CNTFR: variants seen among roughly 807,000 people sequenced by gnomAD.
The protein encoded by CNTFR is ciliary neurotrophic factor receptor.
Under a neutral mutation model 40.4 loss-of-function variants are expected in CNTFR, and 12 were observed. That is an observed-to-expected ratio of 0.30 (90% CI 0.19 to 0.48). The LOEUF is 0.48. Ranked by LOEUF, CNTFR falls within the 20% of genes least tolerant of loss-of-function variation. The pLI is 0.99. For synonymous variants in CNTFR, 202 were observed against 209.6 expected, an observed-to-expected ratio of 0.96 and a Z score of 0.31; for missense variants, 414 against 506.8, an observed-to-expected ratio of 0.82 and a Z score of 1.76.
At chr9:34,559,437 C>G (rs1458836036) in intron 4 of CNTFR, among the ~76,000 whole-genome samples, 1 of 152,188 alleles carries the variant, frequency 6.6e-6, no homozygotes, top group East Asian at 1.9e-4. Flanking sequence ...TTCCCCAGGC[C>G]TGTCAGGGAA....
chr9:34,586,759 T>C (rs576391916), intron 1 of CNTFR, among the ~76,000 whole-genome samples: 3 of 152,302 alleles, frequency 2.0e-5, no homozygotes, highest in African/African-American at 7.2e-5. Flanking sequence ...GAAATCTGAC[T>C]GGGTTAGCCT....
At chr9:34,564,972 A>G (rs1826223323) in intron 3 of CNTFR, 140 bp from the exon 4 acceptor site, 1 of 691,038 alleles carries the variant, frequency 1.4e-6, no homozygotes, top group Non-Finnish European at 2.5e-6. Context: ...GTGTTTGGGG[A>G]GATGAAGAGT....
At chr9:34,562,001 T>C (rs1347733651) in intron 4 of CNTFR, among the ~76,000 whole-genome samples, 1 of 152,216 alleles carries the variant, frequency 6.6e-6, no homozygotes, top group Non-Finnish European at 1.5e-5. Flanking sequence ...GCTGTGGGCA[T>C]GTCCCGTGGG....
At chr9:34,572,235 A>G (rs1398234220) in intron 2 of CNTFR, among the ~76,000 whole-genome samples, 1 of 151,280 alleles carries the variant, frequency 6.6e-6, no homozygotes, top group Non-Finnish European at 1.5e-5. Flanking sequence ...CTTTCCTCAG[A>G]CTCCCAACTG....
At chr9:34,560,535 A>C (rs944558123) in intron 4 of CNTFR, among the ~76,000 whole-genome samples, 2 of 152,250 alleles carry the variant, frequency 1.3e-5, no homozygotes, top group African/African-American at 4.8e-5. Flanking sequence ...GAGGCAGTGC[A>C]TATGTGATGG....
intron 7 of CNTFR, among the ~76,000 whole-genome samples, chr9:34,555,346 T>C (rs1825792407): frequency 6.6e-6 from 1 of 152,028 alleles, no homozygotes; most frequent in Admixed American, 6.5e-5. Flanking sequence ...AGTTAGAGCC[T>C]GGTAGATGAG....
intron 3 of CNTFR, among the ~76,000 whole-genome samples, chr9:34,565,176 C>G (rs1826231072): frequency 6.6e-6 from 1 of 151,954 alleles, no homozygotes; most frequent in African/African-American, 2.4e-5. Flanking sequence ...CTCTCCAGTC[C>G]CTGGGTTTTT....
At chr9:34,590,164 GCGCACACA>G, upstream of CNTFR, 1 of 145,184 alleles carries the variant, frequency 6.9e-6, no homozygotes, top group Non-Finnish European at 1.5e-5. Context: ...AAACGCGCGC[GCGCACACA>G]CACACACACA....
chr9:34,563,411 C>G (rs1313487474), intron 4 of CNTFR, among the ~76,000 whole-genome samples: 1 of 152,262 alleles, frequency 6.6e-6, no homozygotes, highest in Non-Finnish European at 1.5e-5. Context: ...GGCAGGGCAA[C>G]TCAGGTGCAC....
intron 7 of CNTFR, among the ~76,000 whole-genome samples, chr9:34,555,128 T>G (rs1357715289): frequency 6.6e-6 from 1 of 152,242 alleles, no homozygotes; most frequent in African/African-American, 2.4e-5. Context: ...GGCTGCTGCC[T>G]GTAGCTCGTT....
chr9:34,552,897 G>C lies in CNTFR; in HGVS notation c.769-43C>G. 1 of 1,591,170 alleles carries C rather than the reference G, an allele frequency of 6.3e-7. No homozygotes were observed. Among genetic ancestry groups the C allele is most frequent in the Non-Finnish European group, 8.5e-7 (1 of 1,173,564 alleles). ...GGTGGGGGTAAGGACACACCTGGGG[G>C]CCAGGAGGGTGAGGTCCCTCCAGAG... On this transcript the variant is annotated intron_variant, in intron 7 of 9. Coordinates refer to ENST00000378980, the MANE Select transcript of CNTFR (RefSeq NM_147164.3). The surrounding 1 kb of genome is among the most constrained non-coding windows in gnomAD (Gnocchi z 5.1).
At chr9:34,561,321 A>G (rs781139251) in intron 4 of CNTFR, among the ~76,000 whole-genome samples, 13 of 152,304 alleles carry the variant, frequency 8.5e-5, no homozygotes, top group African/African-American at 1.4e-4. Context: ...AACCAATCAA[A>G]TAAAAGTTTT....
At chr9:34,560,064 G>T (rs1826008006) in intron 4 of CNTFR, among the ~76,000 whole-genome samples, 1 of 152,258 alleles carries the variant, frequency 6.6e-6, no homozygotes, top group South Asian at 2.1e-4. Context: ...GAGCAGGGAA[G>T]GGCTTGGGTT....
At position 34,552,267 on chromosome 9, in the gene CNTFR, C is replaced by G. The variant is rs765106958; in HGVS notation, c.1012G>C (p.Gly338Arg). 22 of 1,550,404 alleles carry G rather than the reference C, an allele frequency of 1.4e-5. No individual in the cohort carries two copies. The East Asian group carries it at 5.1e-4, about 36-fold the overall frequency. Residue 338 changes from glycine to arginine, a missense_variant, in exon 9 of 10, where the codon GGG becomes CGG. Gly to Arg is a moderately radical substitution (Grantham distance 125). Coordinates refer to ENST00000378980, the MANE Select transcript of CNTFR (RefSeq NM_147164.3). This position sits in a 1 kb window ranked among gnomAD's most constrained non-coding sequence, Gnocchi z 5.1. ...PPPTTKICDP[G>R]ELGSGGGPSA... ...GGTCCCCCGCCGCTGCCCAGCTCCC[C>G]AGGGTCACAGATCTTCGTGGTAGGT... is the stretch of plus-strand genomic sequence containing the variant.
chr9:34,585,773 C>G (rs1490642542), intron 1 of CNTFR, among the ~76,000 whole-genome samples: 1 of 152,214 alleles, frequency 6.6e-6, no homozygotes, highest in Non-Finnish European at 1.5e-5. Context: ...CCACTACCCC[C>G]ACCCAATGGT....
At chr9:34,589,728 G>C (rs1388637836), upstream of CNTFR, 2 of 151,944 alleles carry the variant, frequency 1.3e-5, no homozygotes, top group Non-Finnish European at 2.9e-5. The surrounding 1 kb of genome is among the most constrained non-coding windows in gnomAD (Gnocchi z 4.4). Context: ...GCTCTGCACC[G>C]GCTCTTCAGC....
Position 34,569,001 on chromosome 9 carries a change from T to A in CNTFR, c.1-20A>T. The A allele has an allele frequency of 6.5e-7, 1 of 1,544,710 alleles. No individual in the cohort carries two copies. Among genetic ancestry groups the A allele is most frequent in the Non-Finnish European group, 8.8e-7 (1 of 1,139,444 alleles). On this transcript the variant is annotated intron_variant, in intron 2 of 9. Transcript: ENST00000378980. ...AGCCATCTGTTGGGAGAAACCGGGG[T>A]GGGGGAGGGGTCAGCATCAGCCCAG...
chr9:34,584,017 T>C (rs930090999), intron 1 of CNTFR, among the ~76,000 whole-genome samples: 2 of 152,170 alleles, frequency 1.3e-5, no homozygotes, highest in African/African-American at 2.4e-5. Context: ...AAGCCCCTCA[T>C]TGGGACTCTG....
intron 4 of CNTFR, among the ~76,000 whole-genome samples, chr9:34,564,297 TC>T (rs1335820024): frequency 1.3e-5 from 2 of 152,164 alleles, no homozygotes; most frequent in African/African-American, 4.8e-5. Context: ...CCCACTCATG[TC>T]CCAGGTGAGC....
Sources: gnomAD v4.1 joint callset for allele counts (sites outside exome capture counted in the v4.1 genomes callset) on GRCh38, gnomAD v4.1.1 for gene constraint, Gnocchi (gnomAD v3.1) non-coding constraint, MANE v1.5 for transcripts, NCBI Gene and HGNC (gene_info 2026-07-23, HGNC 2026-07-21) for gene names.